The following CDH11 variants were observed in gnomAD, a reference collection of about 807,000 sequenced individuals.
CDH11 encodes the protein cadherin 11, also known as cadherin-11.
In CDH11, 11 loss-of-function variants were observed where a neutral mutation model predicts 67.8. The ratio of observed to expected loss-of-function variants is 0.16; its 90% CI spans 0.10 to 0.27. The LOEUF (loss-of-function observed/expected upper bound fraction) is 0.27. CDH11 is among the 10% of genes least tolerant of loss of function. The pLI is 1.00. For synonymous variants in CDH11, 419 were observed against 400.0 expected (o/e 1.05, Z -0.57); for missense variants, 847 against 1,031.2 (o/e 0.82, Z 2.45).
chr16:65,072,457 G>C (rs1296849752), intron 1 of CDH11, among the ~76,000 whole-genome samples: 3 of 152,174 alleles, frequency 2.0e-5, no homozygotes, highest in Admixed American at 2.0e-4. Flanking sequence ...AATCCAAAAG[G>C]GAGGACCTCG....
intron 2 of CDH11, among the ~76,000 whole-genome samples, chr16:65,032,644 G>A (rs1308870580): frequency 6.6e-6 from 1 of 152,148 alleles, no homozygotes; most frequent in Non-Finnish European, 1.5e-5. Flanking sequence ...TCAAAGAAAA[G>A]TGACTCATTA....
Position 64,972,069 on chromosome 16 carries a change from G to T in CDH11, c.1391-5C>A. On this transcript the variant is annotated splice_polypyrimidine_tract_variant and splice_region_variant and intron_variant, in intron 9 of 12. Transcript: ENST00000268603. ...TGGCTTCCTGATGCCGATTGTCTGG[G>T]AAGACAGAATGCAGACAGTCAAGAA... is the stretch of plus-strand genomic sequence containing the variant. 1.2e-6 allele frequency: 2 copies of T among 1,612,976 alleles called. No individual in the cohort carries two copies. The highest frequency in any genetic ancestry group is 8.5e-7 in the Non-Finnish European group (1 of 1,179,046).
chr16:65,105,126 A>AT (rs35422076), intron 1 of CDH11, among the ~76,000 whole-genome samples: 1 of 151,788 alleles, frequency 6.6e-6, no homozygotes, highest in African/African-American at 2.4e-5. Context: ...AAGTTACAAT[A>AT]TTTTTTTTAA....
intron 2 of CDH11, among the ~76,000 whole-genome samples, chr16:65,019,857 A>G (rs1019375969): frequency 6.6e-6 from 1 of 152,118 alleles, no homozygotes; most frequent in Admixed American, 6.5e-5. Context: ...GCTTTAGCCT[A>G]TCTCACTTAA....
intron 1 of CDH11, among the ~76,000 whole-genome samples, chr16:65,109,883 G>C (rs1011613853): frequency 6.6e-6 from 1 of 151,854 alleles, no homozygotes. Context: ...ATGTTTGTTT[G>C]TTTGTTTGTT....
intron 2 of CDH11, among the ~76,000 whole-genome samples, chr16:65,044,248 T>C (rs2073916921): frequency 6.6e-6 from 1 of 152,156 alleles, no homozygotes; most frequent in South Asian, 2.1e-4. Flanking sequence ...TTCTCAAGGA[T>C]TTAACAAACT....
intron 3 of CDH11, among the ~76,000 whole-genome samples, chr16:65,002,895 T>A (rs2072954272): frequency 2.0e-5 from 3 of 152,012 alleles, no homozygotes; most frequent in Admixed American, 2.0e-4. Flanking sequence ...TTACATTGAA[T>A]GTCCTCATTA....
intron 2 of CDH11, among the ~76,000 whole-genome samples, chr16:65,010,336 C>T (rs2142544579): frequency 6.6e-6 from 1 of 152,238 alleles, no homozygotes; most frequent in Admixed American, 6.5e-5. Context: ...ATATTTTATT[C>T]CCCGTTCAGA....
At chr16:64,959,535 A>G (rs1434453848) in intron 11 of CDH11, among the ~76,000 whole-genome samples, 1 of 152,158 alleles carries the variant, frequency 6.6e-6, no homozygotes, top group African/African-American at 2.4e-5. Flanking sequence ...AAGAAGATCT[A>G]TTTATTTTTT....
At chr16:65,074,962 C>T (rs569957325) in intron 1 of CDH11, among the ~76,000 whole-genome samples, 6 of 152,076 alleles carry the variant, frequency 3.9e-5, no homozygotes, top group Non-Finnish European at 8.8e-5. Context: ...CACACACATG[C>T]GCACATACAC....
chr16:65,113,816 C>A (rs578071745), intron 1 of CDH11, among the ~76,000 whole-genome samples: 1 of 152,156 alleles, frequency 6.6e-6, no homozygotes, highest in Admixed American at 6.5e-5. Context: ...TGATTTCCAC[C>A]GCACCCCTCT....
At chr16:65,070,331 G>A (rs1234042436) in intron 1 of CDH11, among the ~76,000 whole-genome samples, 2 of 152,182 alleles carry the variant, frequency 1.3e-5, no homozygotes, top group Non-Finnish European at 2.9e-5. Flanking sequence ...GGAGAGTGAA[G>A]GAAGGAATGC....
intron 5 of CDH11, 128 bp from the exon 6 acceptor site, chr16:64,992,063 T>C (rs1203987168): frequency 1.1e-5 from 7 of 610,292 alleles, no homozygotes; most frequent in Non-Finnish European, 1.6e-5. Context: ...CATTTCAACA[T>C]GGTAATTACA....
Position 64,947,503 on chromosome 16 carries a change from A to G in CDH11, c.*100T>C, listed in dbSNP as rs2071224164. ...CTCTGTAAAACTTTGCCTGTTTTAAATGAGCCTTTCCTTGATTTAAAAAAA... is the reference window on the plus strand; with the variant it reads ...CTCTGTAAAACTTTGCCTGTTTTAAGTGAGCCTTTCCTTGATTTAAAAAAA... On this transcript the variant is annotated 3_prime_UTR_variant, in exon 13 of 13. Coordinates refer to ENST00000268603, the MANE Select transcript of CDH11 (RefSeq NM_001797.4). 2.0e-6 allele frequency: 3 copies of G among 1,512,582 alleles called. No individual in the cohort carries two copies. The highest frequency in any genetic ancestry group is 2.6e-6 in the Non-Finnish European group (3 of 1,133,776). The allele number at this position is 1,512,582 out of a possible 1,614,324, so 93.7% of individuals were successfully genotyped here.
At chr16:65,052,153 T>C (rs547458017) in intron 2 of CDH11, among the ~76,000 whole-genome samples, 2 of 152,238 alleles carry the variant, frequency 1.3e-5, no homozygotes, top group Middle Eastern at 3.4e-3. Flanking sequence ...ATTAAAAATA[T>C]ACTGAGGGTC....
intron 8 of CDH11, among the ~76,000 whole-genome samples, chr16:64,973,808 G>GA (rs200365269): frequency 0.051 from 7,520 of 147,432 alleles, 261 homozygotes; most frequent in Non-Finnish European, 0.072. Flanking sequence ...TCTGTCTCAG[G>GA]AAAAAAAAAA....
intron 2 of CDH11, among the ~76,000 whole-genome samples, chr16:65,006,261 G>A (rs2073052136): frequency 6.6e-6 from 1 of 152,262 alleles, no homozygotes; most frequent in African/African-American, 2.4e-5. Flanking sequence ...TGATATTGAG[G>A]ATAACATTCT....
chr16:64,964,268 C>A (rs1219325254), intron 11 of CDH11, among the ~76,000 whole-genome samples: 6 of 152,024 alleles, frequency 3.9e-5, no homozygotes, highest in Non-Finnish European at 7.4e-5. Context: ...TTACATCTAC[C>A]CTATATGGCA....
At chr16:65,122,736 C>A (rs1453470364), upstream of CDH11, among the ~76,000 whole-genome samples, 1 of 152,026 alleles carries the variant, frequency 6.6e-6, no homozygotes, top group Non-Finnish European at 1.5e-5. Flanking sequence ...TTGGGAAGAG[C>A]CCAGTCTCCG....
Sources: gnomAD v4.1 joint callset for allele counts (sites outside exome capture counted in the v4.1 genomes callset) on GRCh38, gnomAD v4.1.1 for gene constraint, MANE v1.5 for transcripts, NCBI Gene and HGNC (gene_info 2026-07-23, HGNC 2026-07-21) for gene names.